The following CERS6 variants were observed in gnomAD, a reference collection of about 807,000 sequenced individuals.
CERS6 encodes LAG1 homolog, ceramide synthase 6.
CERS6 carries 26 observed loss-of-function variants against 56.8 expected under a neutral mutation model. The ratio of observed to expected loss-of-function variants is 0.46; its 90% CI spans 0.34 to 0.63. The LOEUF is 0.63. CERS6 is among the 30% of genes least tolerant of loss of function. CERS6 has a pLI of 0.01. For synonymous variants in CERS6, 164 were observed against 173.3 expected (o/e 0.95, Z 0.42); for missense variants, 415 against 467.5 (o/e 0.89, Z 1.04).
At chr2:168,538,153 G>C (rs1227408102) in intron 1 of CERS6, among the ~76,000 whole-genome samples, 1 of 151,480 alleles carries the variant, frequency 6.6e-6, no homozygotes, top group East Asian at 1.9e-4. Context: ...CAACAGAGGA[G>C]CTAGTGATTC....
rs1491580943 is a variant in CERS6, at chr2:168,486,518, G to GTT, written c.170+29900_170+29901insTT. 3.7e-3 allele frequency among the ~76,000 whole-genome samples: 501 copies of GTT among 136,244 alleles called. 14 individuals carry two copies. The highest frequency in any genetic ancestry group is 0.011 in the Middle Eastern group (3 of 278). 89.4% of individuals were successfully genotyped at this position (136,244 alleles called of 152,430 possible). A position where few individuals can be genotyped will look rare whatever the true frequency, so the allele number is the denominator to read the frequency against. On this transcript the variant is annotated intron_variant, in intron 1 of 9. Coordinates refer to ENST00000305747, the MANE Select transcript of CERS6 (RefSeq NM_203463.3). ...ATTTTTGTTAAAGGTGTCTAGATTT[G>GTT]GTTTTGTTTTTTTTTTTTTTGCCTA... is the stretch of plus-strand genomic sequence containing the variant.
chr2:168,768,904 CA>C (rs765504573), intron 9 of CERS6, among the ~76,000 whole-genome samples: 1,650 of 59,366 alleles, frequency 0.028, 18 homozygotes, highest in African/African-American at 0.079. Flanking sequence ...GACTCTGACT[CA>C]AAAAAAAAAA....
chr2:168,629,993 T>C (rs775697633), intron 3 of CERS6, among the ~76,000 whole-genome samples: 3 of 151,948 alleles, frequency 2.0e-5, no homozygotes, highest in Non-Finnish European at 4.4e-5. Flanking sequence ...ATTTTTTGTA[T>C]TTTTATTAGA....
At chr2:168,472,789 G>A (rs1694001389) in intron 1 of CERS6, among the ~76,000 whole-genome samples, 1 of 152,094 alleles carries the variant, frequency 6.6e-6, no homozygotes, top group Admixed American at 6.5e-5. Flanking sequence ...AAATAGGATA[G>A]GTGTATAAGT....
At chr2:168,478,583 C>A (rs1056919903) in intron 1 of CERS6, among the ~76,000 whole-genome samples, 1 of 152,212 alleles carries the variant, frequency 6.6e-6, no homozygotes, top group Non-Finnish European at 1.5e-5. Context: ...AGAAATGCAG[C>A]ACTTCAGGCT....
At chr2:168,461,159 T>C (rs1163671504) in intron 1 of CERS6, among the ~76,000 whole-genome samples, 1 of 152,316 alleles carries the variant, frequency 6.6e-6, no homozygotes, top group East Asian at 1.9e-4. Context: ...TGATCTGATA[T>C]ATTTTAAAAG....
chr2:168,726,256 C>G (rs748499517), intron 8 of CERS6, among the ~76,000 whole-genome samples: 1 of 152,196 alleles, frequency 6.6e-6, no homozygotes, highest in Non-Finnish European at 1.5e-5. Flanking sequence ...TCACCGGGCT[C>G]TCTGGACTCT....
chr2:168,709,582 G>A (rs969111786), intron 6 of CERS6, among the ~76,000 whole-genome samples: 2 of 152,142 alleles, frequency 1.3e-5, no homozygotes, highest in Non-Finnish European at 2.9e-5. Flanking sequence ...AGTAAAGCAC[G>A]TGTCCACGCC....
At chr2:168,752,318 T>TGTGTGTGTGTGTGTAG (rs376129396) in intron 8 of CERS6, among the ~76,000 whole-genome samples, 1 of 139,350 alleles carries the variant, frequency 7.2e-6, no homozygotes, top group Non-Finnish European at 1.5e-5. Flanking sequence ...TGTGTGTGTG[T>TGTGTGTGTGTGTGTAG]ATAGAGAGAG....
chr2:168,770,303 G>A lies in CERS6; in HGVS notation c.*641G>A, dbSNP rs1309701034. 3.3e-5 allele frequency: 5 copies of A among 152,352 alleles called. No individual in the cohort carries two copies. The highest frequency in any genetic ancestry group is 4.8e-5 in the African/African-American group (2 of 41,462). The allele number at this position is 152,352 out of a possible 1,614,324, so 9.4% of individuals were successfully genotyped here. A position where few individuals can be genotyped will look rare whatever the true frequency, so the allele number is the denominator to read the frequency against. On this transcript the variant is annotated 3_prime_UTR_variant, in exon 10 of 10. Coordinates refer to ENST00000305747, the MANE Select transcript of CERS6 (RefSeq NM_203463.3). ...TTTTGTATTAAATTGCTTTGAAATA[G>A]ATTTCATTTCTTGTGCACACAGCCA... is the stretch of plus-strand genomic sequence containing the variant.
At chr2:168,654,030 C>T (rs113059333) in intron 4 of CERS6, among the ~76,000 whole-genome samples, 2,447 of 152,192 alleles carry the variant, frequency 0.016, 43 homozygotes, top group African/African-American at 0.045. Flanking sequence ...TTTTAGATTA[C>T]TAAGCACTTA....
rs564747464 is a variant in CERS6, at chr2:168,579,095, G to A, written c.407+17773G>A. On this transcript the variant is annotated intron_variant, in intron 3 of 9. Transcript: ENST00000305747. The stretch of plus-strand genomic sequence containing the variant: ...TGATTGCCCAAAAGAAGAGAGAATA[G>A]TATAATGAATTCCCATGTATCCATC... Among the ~76,000 whole-genome samples, 11 of 152,238 alleles carry A rather than the reference G, an allele frequency of 7.2e-5. No individual in the cohort carries two copies. In the South Asian group the frequency reaches 2.3e-3, roughly 32 times the overall value.
chr2:168,582,372 T>C (rs1683434469), intron 3 of CERS6, among the ~76,000 whole-genome samples: 1 of 152,164 alleles, frequency 6.6e-6, no homozygotes, highest in African/African-American at 2.4e-5. Flanking sequence ...GGTCTCTGGG[T>C]TCCTAGTTTC....
chr2:168,620,276 G>C (rs1684437380), intron 3 of CERS6, among the ~76,000 whole-genome samples: 1 of 151,976 alleles, frequency 6.6e-6, no homozygotes, highest in Non-Finnish European at 1.5e-5. Flanking sequence ...CTCAGGGAAA[G>C]GATGGGAAGG....
At chr2:168,727,392 T>C (rs183695896) in intron 8 of CERS6, among the ~76,000 whole-genome samples, 105 of 152,062 alleles carry the variant, frequency 6.9e-4, no homozygotes, top group Admixed American at 1.4e-3. Flanking sequence ...CTACTAAAAA[T>C]ACATAAATTA....
intron 4 of CERS6, among the ~76,000 whole-genome samples, chr2:168,682,061 A>C (rs980431600): frequency 6.6e-6 from 1 of 152,232 alleles, no homozygotes; most frequent in African/African-American, 2.4e-5. Flanking sequence ...GGCTATTGTG[A>C]ATAGTGCTAC....
chr2:168,479,819 G>A (rs2105331678), intron 1 of CERS6, among the ~76,000 whole-genome samples: 1 of 152,252 alleles, frequency 6.6e-6, no homozygotes, highest in South Asian at 2.1e-4. Flanking sequence ...TGTTGGTCAG[G>A]CTGGTCTCGA....
chr2:168,696,741 A>G (rs972620278), intron 6 of CERS6, among the ~76,000 whole-genome samples: 1 of 152,200 alleles, frequency 6.6e-6, no homozygotes, highest in African/African-American at 2.4e-5. Context: ...GTGAAAAGGC[A>G]TGAGTCCCAT....
At chr2:168,468,769 A>G (rs1304553336) in intron 1 of CERS6, among the ~76,000 whole-genome samples, 1 of 152,058 alleles carries the variant, frequency 6.6e-6, no homozygotes, top group African/African-American at 2.4e-5. Context: ...TACTTTCCCT[A>G]TTCTCTTTTC....
Sources: allele counts gnomAD v4.1 joint callset (sites outside exome capture counted in the v4.1 genomes callset), GRCh38; gene constraint gnomAD v4.1.1; transcripts MANE v1.5; gene names NCBI Gene and HGNC (gene_info 2026-07-23, HGNC 2026-07-21).